The following DAB1 variants were observed in gnomAD, a reference collection of about 807,000 sequenced individuals.
DAB1 encodes disabled homolog 1.
DAB1 carries 15 observed loss-of-function variants against 64.6 expected under a neutral mutation model. That is an observed-to-expected ratio of 0.23 (90% confidence interval 0.16 to 0.36). The LOEUF (loss-of-function observed/expected upper bound fraction) is 0.36, where lower values mean the gene tolerates loss of function less well. Among genes scored for constraint, DAB1 ranks in the 10% least tolerant of loss-of-function variants. The probability of loss-of-function intolerance (pLI) is 1.00; values close to 1 mark genes in which losing one functional copy is unlikely to be tolerated. For missense variants in DAB1, 596 were observed against 706.7 expected, an observed-to-expected ratio of 0.84 and a Z score of 1.78; for synonymous variants, 235 against 251.9, an observed-to-expected ratio of 0.93 and a Z score of 0.64.
At chr1:58,241,579 A>C (rs1312749392) in intron 4 of DAB1, among the ~76,000 whole-genome samples, 2 of 152,058 alleles carry the variant, frequency 1.3e-5, no homozygotes, top group African/African-American at 2.4e-5. Flanking sequence ...TAGATGAAAG[A>C]AAAAAATGAC....
At chr1:57,229,223 T>A (rs1308080777) in intron 2 of DAB1, among the ~76,000 whole-genome samples, 1 of 150,582 alleles carries the variant, frequency 6.6e-6, no homozygotes, top group African/African-American at 2.5e-5. Context: ...AAACAGGCTC[T>A]CACTGTGTCA....
intron 3 of DAB1, chr1:58,343,442 C>T (rs1182212913): frequency 6.6e-6 from 1 of 152,254 alleles, no homozygotes; most frequent in Admixed American, 6.5e-5. Context: ...AGTCACAGAT[C>T]TGAAGAGTGT....
At chr1:58,320,614 A>G (rs1301781199) in intron 4 of DAB1, among the ~76,000 whole-genome samples, 2 of 152,194 alleles carry the variant, frequency 1.3e-5, no homozygotes. Flanking sequence ...TATGTTTTCC[A>G]TGAATGAGAC....
At chr1:57,439,368 G>A (rs147442015) in intron 7 of DAB1, among the ~76,000 whole-genome samples, 136 of 148,670 alleles carry the variant, frequency 9.1e-4, no homozygotes, top group Middle Eastern at 3.6e-3. Flanking sequence ...AGCATTAGTT[G>A]CAGTTTTTCT....
chr1:58,131,250 C>T (rs1193798115), intron 5 of DAB1, among the ~76,000 whole-genome samples: 4 of 143,124 alleles, frequency 2.8e-5, no homozygotes, highest in African/African-American at 5.1e-5. Flanking sequence ...TTGATCGCAT[C>T]GGCTCCTGAG....
At chr1:57,880,117 AG>A (rs1238256548) in intron 1 of DAB1, 1 of 126,802 alleles carries the variant, frequency 7.9e-6, no homozygotes, top group African/African-American at 2.9e-5. Context: ...TACCCCCCCT[AG>A]TACCTTTGGC....
intron 5 of DAB1, among the ~76,000 whole-genome samples, chr1:57,984,186 AAGAAAG>A (rs1261512532): frequency 3.3e-5 from 1 of 29,886 alleles, no homozygotes; most frequent in Admixed American, 3.9e-4. Context: ...GCTTAAAAAA[AAGAAAG>A]AAAGAAAGAA....
chr1:58,040,559 C>T (rs1647119729), intron 5 of DAB1, among the ~76,000 whole-genome samples: 1 of 152,176 alleles, frequency 6.6e-6, no homozygotes, highest in African/African-American at 2.4e-5. Flanking sequence ...AATAAAATGA[C>T]TCCCAACTTT....
intron 5 of DAB1, among the ~76,000 whole-genome samples, chr1:58,054,296 A>G (rs1647911631): frequency 6.6e-6 from 1 of 152,230 alleles, no homozygotes; most frequent in Non-Finnish European, 1.5e-5. Flanking sequence ...CTCATGGCTT[A>G]AAGACTACCA....
chr1:57,156,841 G>A (rs945443987), intron 2 of DAB1, among the ~76,000 whole-genome samples: 2 of 152,208 alleles, frequency 1.3e-5, no homozygotes, highest in Non-Finnish European at 2.9e-5. Context: ...TGGGCACAGA[G>A]TAAATTCCCC....
chr1:57,040,676 T>C (rs979149774), intron 9 of DAB1, among the ~76,000 whole-genome samples: 1 of 152,184 alleles, frequency 6.6e-6, no homozygotes, highest in Non-Finnish European at 1.5e-5. Context: ...AGGGGAAGCA[T>C]TTCTAAAAGC....
chr1:57,861,757 CAT>C (rs1480305672), intron 1 of DAB1, among the ~76,000 whole-genome samples: 1 of 148,606 alleles, frequency 6.7e-6, no homozygotes, highest in African/African-American at 2.5e-5. Context: ...TTATATATAA[CAT>C]AGTATATATG....
At chr1:58,300,628 G>GGA (rs1662124690) in intron 4 of DAB1, among the ~76,000 whole-genome samples, 1 of 54,286 alleles carries the variant, frequency 1.8e-5, no homozygotes, top group African/African-American at 5.9e-5. Flanking sequence ...GAGAGAGAGA[G>GGA]AGAGAGAGAG....
intron 3 of DAB1, among the ~76,000 whole-genome samples, chr1:58,373,831 C>T (rs1285829966): frequency 6.7e-6 from 1 of 150,272 alleles, no homozygotes; most frequent in East Asian, 2.0e-4. Context: ...CACATCCTCT[C>T]CAGCACCTGT....
At chr1:57,684,907 A>G (rs1558608467) in intron 6 of DAB1, among the ~76,000 whole-genome samples, 2 of 152,124 alleles carry the variant, frequency 1.3e-5, no homozygotes, top group African/African-American at 4.8e-5. Context: ...AGAAAGATCT[A>G]CTATGCAAAT....
At chr1:58,238,595 T>C (rs1660153067) in intron 4 of DAB1, among the ~76,000 whole-genome samples, 1 of 152,180 alleles carries the variant, frequency 6.6e-6, no homozygotes, top group African/African-American at 2.4e-5. Context: ...CTGTTTGCCA[T>C]TGTGCCCCCT....
intron 3 of DAB1, among the ~76,000 whole-genome samples, chr1:58,421,509 A>G (rs1486046875): frequency 2.0e-5 from 3 of 152,218 alleles, no homozygotes; most frequent in Non-Finnish European, 4.4e-5. Flanking sequence ...CATCTTCTTT[A>G]GAGGAAAAGT....
intron 2 of DAB1, among the ~76,000 whole-genome samples, chr1:57,253,445 G>A (rs1669508362): frequency 6.6e-6 from 1 of 152,134 alleles, no homozygotes; most frequent in African/African-American, 2.4e-5. Context: ...AGAGGAGTAT[G>A]ATGAACCAAC....
chr1:57,663,323 G>A (rs935077415), intron 6 of DAB1, among the ~76,000 whole-genome samples: 1 of 152,106 alleles, frequency 6.6e-6, no homozygotes, highest in African/African-American at 2.4e-5. Flanking sequence ...CTCCAACATT[G>A]GAGATTACAA....
Sources: gnomAD v4.1 joint callset for allele counts (sites outside exome capture counted in the v4.1 genomes callset) on GRCh38, gnomAD v4.1.1 for gene constraint, MANE v1.5 for transcripts, NCBI Gene and HGNC (gene_info 2026-07-23, HGNC 2026-07-21) for gene names.